Variants in DYSF observed in about 807,000 individuals in gnomAD.
DYSF encodes the protein dystrophy-associated fer-1-like 1.
In DYSF, 212 loss-of-function variants were observed where a neutral mutation model predicts 274.9. The observed-to-expected ratio is 0.77, with a 90% CI of 0.69 to 0.86. The LOEUF (loss-of-function observed/expected upper bound fraction) is 0.86. Ranked by LOEUF, DYSF falls within the 40% of genes least tolerant of loss-of-function variation. DYSF has a pLI of 0.00. For missense variants in DYSF, 2,666 were observed against 2,783.2 expected (o/e 0.96, Z 0.95); for synonymous variants, 1,091 against 1,078.7 (o/e 1.01, Z -0.22).
At chr2:71,573,629 G>A (rs1201044727) in intron 29 of DYSF, among the ~76,000 whole-genome samples, 1 of 152,156 alleles carries the variant, frequency 6.6e-6, no homozygotes, top group African/African-American at 2.4e-5. Flanking sequence ...ACCCACTACA[G>A]GATGTGAAGA....
chr2:71,481,724 A>ATCCATCCATCCATCCG (rs2152682379), intron 2 of DYSF, among the ~76,000 whole-genome samples, 155 bp from the exon 3 acceptor site: 1 of 152,024 alleles, frequency 6.6e-6, no homozygotes, highest in East Asian at 1.9e-4. Context: ...CCATCCATCC[A>ATCCATCCATCCATCCG]TCCATGCTTC....
chr2:71,655,974 T>C (rs1179799143), intron 42 of DYSF, among the ~76,000 whole-genome samples, 188 bp from the exon 43 acceptor site: 3 of 152,338 alleles, frequency 2.0e-5, no homozygotes, highest in South Asian at 2.1e-4. Context: ...CCCTGCCCTC[T>C]TCTTTGCCTT....
chr2:71,551,019 G>A (rs2090904901), intron 17 of DYSF, 22 bp from the exon 18 acceptor site: 1 of 1,611,234 alleles, frequency 6.2e-7, no homozygotes, highest in Admixed American at 1.7e-5. Context: ...CGACCCCTCT[G>A]ATTGCCACTT....
chr2:71,594,621 G>C (rs1329273261), intron 32 of DYSF, among the ~76,000 whole-genome samples: 2 of 152,090 alleles, frequency 1.3e-5, no homozygotes, highest in Admixed American at 1.3e-4. Context: ...TGCCTCCACT[G>C]TCCCCACTGC....
At chr2:71,497,831 T>C (rs77768449) in intron 3 of DYSF, among the ~76,000 whole-genome samples, 2,410 of 152,330 alleles carry the variant, frequency 0.016, 20 homozygotes, top group Non-Finnish European at 0.021. Context: ...CTAAGCTATA[T>C]CTCTACATGT....
chr2:71,685,207 G>A (rs1199965514), intron 55 of DYSF, among the ~76,000 whole-genome samples: 1 of 152,178 alleles, frequency 6.6e-6, no homozygotes, highest in Admixed American at 6.5e-5. Flanking sequence ...TACTGTGGGG[G>A]GCCTGGTCAG....
chr2:71,493,952 C>T (rs1366520897), intron 3 of DYSF, among the ~76,000 whole-genome samples: 1 of 151,156 alleles, frequency 6.6e-6, no homozygotes, highest in African/African-American at 2.4e-5. Flanking sequence ...GAAATATTAT[C>T]CTTGGCTATA....
At chr2:71,605,966 C>T (rs1172682947) in intron 36 of DYSF, among the ~76,000 whole-genome samples, 5 of 152,152 alleles carry the variant, frequency 3.3e-5, no homozygotes, top group Admixed American at 6.5e-5. Context: ...TGGAGCTCCC[C>T]GAGGAACCAG....
At position 71,668,845 on chromosome 2, in the gene DYSF, G is replaced by T; in HGVS notation, c.5546+3G>T. The T allele has an allele frequency of 6.2e-7, 1 of 1,610,722 alleles. No individual in the cohort carries two copies. Among genetic ancestry groups the T allele is most frequent in the South Asian group, 1.1e-5 (1 of 90,622 alleles). On this transcript the variant is annotated splice_donor_region_variant and intron_variant, in intron 49 of 55. Coordinates refer to ENST00000410020, the MANE Select transcript of DYSF (RefSeq NM_001130987.2). The stretch of plus-strand genomic sequence containing the variant: ...ATCACCCCACGGAGAGCCAGAAGGT[G>T]ACTTGCCCAGCCACAGGCTCTGAGC...
chr2:71,624,673 G>A (rs527284729), intron 41 of DYSF, among the ~76,000 whole-genome samples: 92 of 152,016 alleles, frequency 6.1e-4, no homozygotes, highest in African/African-American at 2.1e-3. Context: ...AAAAATGACC[G>A]ACAATCATGT....
intron 26 of DYSF, 136 bp downstream of exon 26, chr2:71,568,474 A>G (rs992623399): frequency 2.5e-6 from 3 of 1,209,244 alleles, no homozygotes. Flanking sequence ...ACTTCCGCTG[A>G]ACTCTCCCAG....
At chr2:71,654,300 T>C (rs116556136) in intron 42 of DYSF, among the ~76,000 whole-genome samples, 2,669 of 152,316 alleles carry the variant, frequency 0.018, 76 homozygotes, top group African/African-American at 0.061. Flanking sequence ...ACACTGTAGA[T>C]AGGAGTATAT....
intron 10 of DYSF, 124 bp from the exon 11 acceptor site, chr2:71,520,054 G>T: frequency 9.2e-7 from 1 of 1,081,596 alleles, no homozygotes. Flanking sequence ...ATCAAATGTT[G>T]ACTGCCTGTG....
At chr2:71,595,482 C>T (rs1249059370) in intron 32 of DYSF, among the ~76,000 whole-genome samples, 1 of 152,142 alleles carries the variant, frequency 6.6e-6, no homozygotes, top group African/African-American at 2.4e-5. Flanking sequence ...ACTCTGTCCC[C>T]GACCCTGGTG....
chr2:71,511,647 G>A (rs2086105433), intron 4 of DYSF, among the ~76,000 whole-genome samples, 160 bp from the exon 5 acceptor site: 1 of 152,214 alleles, frequency 6.6e-6, no homozygotes, highest in Non-Finnish European at 1.5e-5. Flanking sequence ...TGACTATGCT[G>A]ATAGGTCCCT....
Position 71,466,735 on chromosome 2 carries a change from C to T in DYSF, c.-108C>T. 1.4e-6 allele frequency: 2 copies of T among 1,402,848 alleles called. No homozygotes were observed. The highest frequency in any genetic ancestry group is 2.7e-5 in the East Asian group (1 of 37,160). 86.9% of individuals were successfully genotyped at this position (1,402,848 alleles called of 1,614,324 possible). A position where few individuals can be genotyped will look rare whatever the true frequency, so the allele number is the denominator to read the frequency against. On this transcript the variant is annotated 5_prime_UTR_variant, in exon 1 of 56. Coordinates refer to ENST00000410020, the MANE Select transcript of DYSF (RefSeq NM_001130987.2). ...GAGGAGCAGCGAAGGCGACAGCTCTCTTGGCGCGGCTGCCTGGGAGCCGGG... is the reference window on the plus strand; with the variant it reads ...GAGGAGCAGCGAAGGCGACAGCTCTTTTGGCGCGGCTGCCTGGGAGCCGGG...
At position 71,570,734 on chromosome 2, in the gene DYSF, T is replaced by G. The variant is rs1206251996; in HGVS notation, c.3221T>G (p.Leu1074Arg). Reference protein sequence around the residue: ...RRRDLSQMEALKRHRQAEAEG... With the variant: ...RRRDLSQMEARKRHRQAEAEG... ...AGGGATCTCAGCCAAATGGAAGCACTGAAAAGGGTGAGCCAGCAGGTGGTG... is the reference window on the plus strand; with the variant it reads ...AGGGATCTCAGCCAAATGGAAGCACGGAAAAGGGTGAGCCAGCAGGTGGTG... The change falls in exon 29 of 56, where the codon CTG (leucine) becomes CGG (arginine). Residue 1074 changes from leucine (L) to arginine (R), a missense_variant. By Grantham distance (102) the Leu-to-Arg change is moderately radical. Coordinates refer to ENST00000410020, the MANE Select transcript of DYSF (RefSeq NM_001130987.2). The G allele has an allele frequency of 6.2e-7, 1 of 1,613,790 alleles. No homozygotes were observed. The highest frequency in any genetic ancestry group is 1.7e-5 in the Admixed American group (1 of 60,010).
intron 3 of DYSF, among the ~76,000 whole-genome samples, chr2:71,490,300 C>T (rs2083730671): frequency 1.3e-5 from 2 of 152,214 alleles, no homozygotes; most frequent in Non-Finnish European, 2.9e-5. Context: ...AATTTCTTCT[C>T]TTTTCTCCAG....
intron 20 of DYSF, 60 bp from the exon 21 acceptor site, chr2:71,553,747 A>ACCCCCAAACACCCCCCCCC: frequency 1.1e-6 from 1 of 872,684 alleles, no homozygotes; most frequent in East Asian, 3.8e-5. Flanking sequence ...CACTCTTAGC[A>ACCCCCAAACACCCCCCCCC]CCCCATCCCA....
Sources: allele counts gnomAD v4.1 joint callset (sites outside exome capture counted in the v4.1 genomes callset), GRCh38; gene constraint gnomAD v4.1.1; transcripts MANE v1.5; gene names NCBI Gene and HGNC (gene_info 2026-07-23, HGNC 2026-07-21).